Variants in NLGN1 observed in about 807,000 individuals in gnomAD.
NLGN1 encodes neuroligin 1.
NLGN1 carries 12 observed loss-of-function variants against 65.5 expected under a neutral mutation model. The ratio of observed to expected loss-of-function variants is 0.18; its 90% CI spans 0.12 to 0.30. NLGN1 has a LOEUF of 0.30. Among genes scored for constraint, NLGN1 ranks in the 10% least tolerant of loss-of-function variants. The pLI is 1.00. For missense variants in NLGN1, 750 were observed against 1,007.1 expected (o/e 0.74, Z 3.46); for synonymous variants, 350 against 359.5 (o/e 0.97, Z 0.30).
intron 1 of NLGN1, among the ~76,000 whole-genome samples, chr3:173,413,646 A>G (rs1258841931): frequency 2.0e-5 from 3 of 152,022 alleles, no homozygotes; most frequent in Admixed American, 6.6e-5. Flanking sequence ...TAGTCTAGAA[A>G]GAGGGACCAT....
chr3:174,218,713 G>T (rs575172958), intron 4 of NLGN1, among the ~76,000 whole-genome samples: 14 of 152,118 alleles, frequency 9.2e-5, no homozygotes, highest in African/African-American at 3.1e-4. Context: ...TTGTTGAGCC[G>T]AATATCAGAT....
intron 3 of NLGN1, among the ~76,000 whole-genome samples, chr3:173,630,633 T>G (rs996242799): frequency 1.3e-5 from 2 of 152,164 alleles, no homozygotes; most frequent in African/African-American, 4.8e-5. Flanking sequence ...CTTCAAAATT[T>G]CTTCTCTTCC....
At chr3:173,526,043 A>G (rs769496528) in intron 2 of NLGN1, among the ~76,000 whole-genome samples, 28 of 152,116 alleles carry the variant, frequency 1.8e-4, no homozygotes, top group Non-Finnish European at 3.5e-4. Flanking sequence ...TGGAAAATGT[A>G]CCATGCACAA....
At chr3:173,766,286 G>A (rs569741775) in intron 3 of NLGN1, among the ~76,000 whole-genome samples, 4 of 151,670 alleles carry the variant, frequency 2.6e-5, no homozygotes, top group South Asian at 2.1e-4. Context: ...ACGGGGTTTC[G>A]CCATATTGGC....
At chr3:174,123,887 A>T (rs1718302505) in intron 4 of NLGN1, among the ~76,000 whole-genome samples, 1 of 152,084 alleles carries the variant, frequency 6.6e-6, no homozygotes, top group Admixed American at 6.6e-5. Flanking sequence ...ATGCATTTCA[A>T]GTCTTGTATA....
At chr3:173,413,110 C>T (rs1247608932) in intron 1 of NLGN1, among the ~76,000 whole-genome samples, 2 of 151,984 alleles carry the variant, frequency 1.3e-5, no homozygotes, top group Non-Finnish European at 2.9e-5. Context: ...ACATGCTTCC[C>T]TCGCAGACTG....
In NLGN1 at chr3:173,767,974, CAATTT is replaced by C. The variant is rs201398265; in HGVS notation, c.494-39698_494-39694del. Among the ~76,000 whole-genome samples, 711 of 151,914 alleles carry C rather than the reference CAATTT, an allele frequency of 4.7e-3. 7 individuals are homozygous for C. Among genetic ancestry groups the C allele is most frequent in the African/African-American group, 0.016 (680 of 41,462 alleles). ...CAATTTCCTTTGAACATATAAAAAT[CAATTT>C]AATTTAAATTTTTCATTTTATTTTA... On this transcript the variant is annotated intron_variant, in intron 3 of 6. Coordinates refer to ENST00000457714, the Ensembl canonical transcript of NLGN1.
chr3:173,966,544 TA>T (rs1464636782), intron 4 of NLGN1, among the ~76,000 whole-genome samples: 3 of 152,140 alleles, frequency 2.0e-5, no homozygotes, highest in Admixed American at 1.3e-4. Context: ...GATATCGGTT[TA>T]AGAATATTCA....
At chr3:173,954,034 T>A (rs2152333719) in intron 4 of NLGN1, among the ~76,000 whole-genome samples, 1 of 152,220 alleles carries the variant, frequency 6.6e-6, no homozygotes, top group African/African-American at 2.4e-5. Context: ...ATGAGGTATC[T>A]GAGAGACATT....
chr3:173,494,951 TCTAA>T (rs1205867540), intron 2 of NLGN1, among the ~76,000 whole-genome samples: 2 of 151,848 alleles, frequency 1.3e-5, no homozygotes, highest in Non-Finnish European at 2.9e-5. Context: ...GTGTAAATCC[TCTAA>T]CTTTGTTCTT....
At chr3:174,037,234 C>T (rs957259941) in intron 4 of NLGN1, among the ~76,000 whole-genome samples, 2 of 152,146 alleles carry the variant, frequency 1.3e-5, no homozygotes, top group African/African-American at 4.8e-5. Context: ...TATAAGTGTT[C>T]CTTTTCCTCT....
intron 2 of NLGN1, among the ~76,000 whole-genome samples, chr3:173,519,191 ATG>A (rs1734353418): frequency 6.6e-6 from 1 of 152,180 alleles, no homozygotes; most frequent in African/African-American, 2.4e-5. Context: ...TTACTATACT[ATG>A]TATGGAAAAG....
chr3:173,459,815 A>G (rs570667140), intron 2 of NLGN1, among the ~76,000 whole-genome samples: 2 of 152,218 alleles, frequency 1.3e-5, no homozygotes, highest in Non-Finnish European at 2.9e-5. Flanking sequence ...GTTAAATACT[A>G]TAATAGCATA....
chr3:174,107,017 C>CAGAGAG (rs71162376), intron 4 of NLGN1, among the ~76,000 whole-genome samples: 1,693 of 97,616 alleles, frequency 0.017, 40 homozygotes, highest in South Asian at 0.084. Flanking sequence ...CACACACACA[C>CAGAGAG]AGAGAGAGAG....
At chr3:174,090,014 C>A (rs182731120) in intron 4 of NLGN1, among the ~76,000 whole-genome samples, 51 of 151,912 alleles carry the variant, frequency 3.4e-4, no homozygotes, top group African/African-American at 1.2e-3. Context: ...AGCCAAAAGG[C>A]AGTTCTATAA....
intron 4 of NLGN1, among the ~76,000 whole-genome samples, chr3:174,244,301 G>A (rs1372707295): frequency 6.6e-6 from 1 of 152,118 alleles, no homozygotes; most frequent in Non-Finnish European, 1.5e-5. Context: ...TTAATTTGTG[G>A]GAAGTTTAAA....
At chr3:173,889,363 A>G (rs1289143616) in intron 4 of NLGN1, among the ~76,000 whole-genome samples, 2 of 152,106 alleles carry the variant, frequency 1.3e-5, no homozygotes, top group African/African-American at 2.4e-5. Flanking sequence ...CTTTCTGCGT[A>G]ACTGTAGCCT....
chr3:173,571,343 T>C (rs563399222), intron 2 of NLGN1, among the ~76,000 whole-genome samples: 1 of 152,360 alleles, frequency 6.6e-6, no homozygotes, highest in East Asian at 1.9e-4. Flanking sequence ...TAAATGACTG[T>C]TATTCTTAAG....
intron 2 of NLGN1, among the ~76,000 whole-genome samples, chr3:173,554,022 G>C (rs1249297006): frequency 2.0e-5 from 3 of 152,046 alleles, no homozygotes; most frequent in Non-Finnish European, 4.4e-5. Context: ...TTTGATTCTT[G>C]GACATTTATT....
Sources: allele counts gnomAD v4.1 joint callset (sites outside exome capture counted in the v4.1 genomes callset), GRCh38; gene constraint gnomAD v4.1.1; transcripts MANE v1.5; gene names NCBI Gene and HGNC (gene_info 2026-07-23, HGNC 2026-07-21).